Variants in SEMG2 observed in about 807,000 individuals in gnomAD.
The protein encoded by SEMG2 is semenogelin-2.
A neutral mutation model predicts 8.1 loss-of-function variants in SEMG2; 3 were observed. The observed-to-expected ratio is 0.37, with a 90% CI of 0.17 to 0.96. The LOEUF (loss-of-function observed/expected upper bound fraction) is 0.96, where lower values mean the gene tolerates loss of function less well. Among genes scored for constraint, SEMG2 ranks in the 40% least tolerant of loss-of-function variants. The probability of loss-of-function intolerance (pLI) is 0.41; values close to 1 mark genes in which losing one functional copy is unlikely to be tolerated. For synonymous variants in SEMG2, 252 were observed against 231.4 expected (o/e 1.09, Z -0.81); for missense variants, 726 against 671.2 (o/e 1.08, Z -0.90).
chr20:45,221,931 T>C lies in SEMG2; in HGVS notation c.299T>C (p.Leu100Pro), dbSNP rs1462076139. 1.9e-6 allele frequency: 3 copies of C among 1,613,134 alleles called. No individual in the cohort carries two copies. Among genetic ancestry groups the C allele is most frequent in the Non-Finnish European group, 2.5e-6 (3 of 1,179,768 alleles). Residue 100 changes from leucine (L) to proline (P), a missense_variant, in exon 2 of 3, where the codon CTA (leucine) becomes CCA (proline). Coordinates refer to ENST00000372769, the MANE Select transcript of SEMG2 (RefSeq NM_003008.3). Reference protein sequence around the residue: ...LHKATKSKQHLGGSQQLLNYK... With the variant: ...LHKATKSKQHPGGSQQLLNYK... ...AAGGCGACAAAATCAAAACAACACC[T>C]AGGTGGAAGTCAACAACTGCTCAAT...
Position 45,221,954 on chromosome 20 carries a change from A to C in SEMG2, c.322A>C (p.Asn108His). 6.2e-7 allele frequency: 1 copy of C among 1,613,564 alleles called. No individual in the cohort carries two copies. The highest frequency in any genetic ancestry group is 8.5e-7 in the Non-Finnish European group (1 of 1,179,858). The change falls in exon 2 of 3, where the codon AAT (asparagine) becomes CAT (histidine). Residue 108 changes from asparagine to histidine, a missense_variant. By Grantham distance (68) the Asn-to-His change is moderately conservative (BLOSUM62 1). Coordinates refer to ENST00000372769, the MANE Select transcript of SEMG2 (RefSeq NM_003008.3). ...QHLGGSQQLL[N>H]YKQEGRDHDK... ...CCTAGGTGGAAGTCAACAACTGCTC[A>C]ATTATAAACAAGAAGGCAGAGACCA...
At position 45,221,882 on chromosome 20, in the gene SEMG2, C is replaced by A. The variant is rs369152303; in HGVS notation, c.250C>A (p.Gln84Lys). The A allele has an allele frequency of 1.2e-5, 19 of 1,613,914 alleles. No homozygotes were observed. In the African/African-American group the frequency reaches 2.3e-4, roughly 19 times the overall value. The change falls in exon 2 of 3, where the codon CAA becomes AAA. Residue 84 changes from glutamine to lysine, a missense_variant. Gln to Lys is a moderately conservative substitution (Grantham distance 53). Transcript: ENST00000372769. ...NDHDWTRKSQQYDLNALHKAT... is the reference protein window; with the variant it reads ...NDHDWTRKSQKYDLNALHKAT... ...TCATGACTGGACCCGAAAAAGTCAG[C>A]AATATGATTTGAATGCCCTACATAA...
Position 45,221,965 on chromosome 20 carries a change from A to G in SEMG2, c.333A>G (p.Gln111=). ...GTCAACAACTGCTCAATTATAAACAAGAAGGCAGAGACCATGATAAATCAA... is the reference window on the plus strand; with the variant it reads ...GTCAACAACTGCTCAATTATAAACAGGAAGGCAGAGACCATGATAAATCAA... ...GGSQQLLNYK[Q]EGRDHDKSKG... The change falls in exon 2 of 3, where the codon CAA becomes CAG. Residue 111 remains glutamine (Q), a synonymous_variant. Coordinates refer to ENST00000372769, the MANE Select transcript of SEMG2 (RefSeq NM_003008.3). The G allele has an allele frequency of 1.2e-6, 2 of 1,613,852 alleles. No individual in the cohort carries two copies. The highest frequency in any genetic ancestry group is 8.5e-7 in the Non-Finnish European group (1 of 1,179,954).
At chr20:45,221,486 T>C in intron 1 of SEMG2, 21 bp downstream of exon 1, 2 of 1,613,258 alleles carry the variant, frequency 1.2e-6, no homozygotes, top group East Asian at 2.2e-5. Flanking sequence ...AGGGTAAGCC[T>C]TGGGGAAAGC....
At position 45,223,183 on chromosome 20, in the gene SEMG2, A is replaced by G. The variant is rs756351304; in HGVS notation, c.1551A>G (p.Gln517=). 4 of 1,614,170 alleles carry G rather than the reference A, an allele frequency of 2.5e-6. No homozygotes were observed. The South Asian group carries it at 3.3e-5, about 13-fold the overall frequency. Residue 517 remains glutamine, a synonymous_variant, in exon 2 of 3, where the codon CAA becomes CAG. Coordinates refer to ENST00000372769, the MANE Select transcript of SEMG2 (RefSeq NM_003008.3). The part of the protein sequence containing the change: ...QIQTPNPNQD[Q]WSGQNAKGKS... ...AGACACCAAATCCTAATCAAGATCA[A>G]TGGTCTGGCCAAAATGCAAAAGGAA...
Position 45,222,039 on chromosome 20 carries a change from A to G in SEMG2, c.407A>G (p.His136Arg). The G allele has an allele frequency of 6.2e-7, 1 of 1,613,610 alleles. No homozygotes were observed. The highest frequency in any genetic ancestry group is 8.5e-7 in the Non-Finnish European group (1 of 1,179,500). Residue 136 changes from histidine (H) to arginine (R), a missense_variant, in exon 2 of 3, where the codon CAT (histidine) becomes CGT (arginine). His to Arg is a conservative substitution (Grantham distance 29). Transcript: ENST00000372769. ...ATACATCATAAAGGAGGCCAAGCTC[A>G]TCATGGGACACAAAATCCTTCTCAA... is the stretch of plus-strand genomic sequence containing the variant. ...IVIHHKGGQA[H>R]HGTQNPSQDQ...
In SEMG2 at chr20:45,221,501, T is replaced by TA. The variant is rs749496594; in HGVS notation, c.76+36_76+37insA. The TA allele has an allele frequency of 2.4e-5, 39 of 1,610,008 alleles. No individual in the cohort carries two copies. In the African/African-American group the frequency reaches 4.7e-4, roughly 19 times the overall value. On this transcript the variant is annotated intron_variant, in intron 1 of 2. Transcript: ENST00000372769. ...AGGGTAAGCCTTGGGGAAAGCTACT[T>TA]TAAAAAAATGGCCTCTAAGGATATT... is the stretch of plus-strand genomic sequence containing the variant.
In SEMG2 at chr20:45,222,483, A is replaced by G; in HGVS notation, c.851A>G (p.His284Arg). The G allele has an allele frequency of 6.2e-7, 1 of 1,614,012 alleles. No individual in the cohort carries two copies. The highest frequency in any genetic ancestry group is 8.5e-7 in the Non-Finnish European group (1 of 1,179,986). The part of the protein sequence containing the change: ...SQDQEHGRKA[H>R]KISYPSSRTE... ...GATCAAGAGCATGGCCGGAAGGCAC[A>G]TAAAATATCATACCCGTCTTCACGT... Residue 284 changes from histidine to arginine, a missense_variant, in exon 2 of 3, where the codon CAT (histidine) becomes CGT (arginine). Physicochemically the swap from His to Arg is conservative, Grantham distance 29 (BLOSUM62 0). Transcript: ENST00000372769.
chr20:45,223,976 G>A (rs902866410), intron 2 of SEMG2, among the ~76,000 whole-genome samples: 2 of 152,164 alleles, frequency 1.3e-5, no homozygotes, highest in African/African-American at 2.4e-5. Context: ...TTGTGAAAAA[G>A]GAAGTGGAAA....
At position 45,224,292 on chromosome 20, in the gene SEMG2, T is replaced by C. The variant is rs564094604; in HGVS notation, c.*46T>C. The C allele has an allele frequency of 3.9e-5, 6 of 152,376 alleles. No homozygotes were observed. In the East Asian group the frequency reaches 7.7e-4, roughly 20 times the overall value. The allele number at this position is 152,376 out of a possible 1,614,324, so 9.4% of individuals were successfully genotyped here. On this transcript the variant is annotated splice_region_variant and 3_prime_UTR_variant, in exon 3 of 3. Transcript: ENST00000372769. ...TCTGGTTGTCTTTTTTCTCCCTAGG[T>C]GTCACCCGACCTCAGTGAAGTCTTT... is the stretch of plus-strand genomic sequence containing the variant.
Position 45,223,012 on chromosome 20 carries a change from C to T in SEMG2, c.1380C>T (p.Gly460=), listed in dbSNP as rs1984060500. 3.7e-6 allele frequency: 6 copies of T among 1,614,040 alleles called. No homozygotes were observed. Among genetic ancestry groups the T allele is most frequent in the Non-Finnish European group, 5.1e-6 (6 of 1,179,986 alleles). The change falls in exon 2 of 3, where the codon GGC becomes GGT. Residue 460 remains glycine (G), a synonymous_variant. Coordinates refer to ENST00000372769, the MANE Select transcript of SEMG2 (RefSeq NM_003008.3). The stretch of plus-strand genomic sequence containing the variant: ...TTCCTAGTCAAGATCAAGAGCATGG[C>T]CATAAGGAAAATAAAATGTCATACC... ...VTIPSQDQEH[G]HKENKMSYQS...
chr20:45,222,245 A>G lies in SEMG2; in HGVS notation c.613A>G (p.Lys205Glu). 1 of 1,614,180 alleles carries G rather than the reference A, an allele frequency of 6.2e-7. No individual in the cohort carries two copies. The highest frequency in any genetic ancestry group is 1.3e-5 in the African/African-American group (1 of 75,048). Residue 205 changes from lysine (K) to glutamate (E), a missense_variant, in exon 2 of 3, where the codon AAA becomes GAA. Transcript: ENST00000372769. ...CCAAACTGAAGAACTAGTAGTTAAC[A>G]AACAACAACGTGAGACTAAAAATTC... Reference protein sequence around the residue: ...VLQTEELVVNKQQRETKNSHQ... With the variant: ...VLQTEELVVNEQQRETKNSHQ...
Position 45,222,085 on chromosome 20 carries a change from T to A in SEMG2, c.453T>A (p.Ser151=), listed in dbSNP as rs1984029056. 1.2e-6 allele frequency: 2 copies of A among 1,614,004 alleles called. No homozygotes were observed. The highest frequency in any genetic ancestry group is 2.2e-5 in the South Asian group (2 of 90,998). The change falls in exon 2 of 3, where the codon TCT becomes TCA. Residue 151 remains serine, a synonymous_variant. Coordinates refer to ENST00000372769, the MANE Select transcript of SEMG2 (RefSeq NM_003008.3). ...NPSQDQGNSP[S]GKGLSSQCSN... The stretch of plus-strand genomic sequence containing the variant: ...CTCAAGATCAGGGGAATAGCCCATC[T>A]GGAAAGGGATTATCCAGTCAATGTT...
rs141051069 is a variant in SEMG2, at chr20:45,222,196, T to C, written c.564T>C (p.Gly188=). The C allele has an allele frequency of 1.6e-4, 261 of 1,613,984 alleles. No homozygotes were observed. Among genetic ancestry groups the C allele is most frequent in the Middle Eastern group, 1.6e-4 (1 of 6,084 alleles). ...ASGAQKGRTQ[G]GSQSSYVLQT... is the part of the protein sequence containing the mutation. ...GTGCACAAAAAGGTAGAACACAAGG[T>C]GGATCCCAAAGCAGTTATGTTCTCC... is the stretch of plus-strand genomic sequence containing the variant. Residue 188 remains glycine (G), a synonymous_variant, in exon 2 of 3, where the codon GGT becomes GGC. Transcript: ENST00000372769.
rs1984055034 is a variant in SEMG2, at chr20:45,222,833, C to T, written c.1201C>T (p.His401Tyr). ...RIPSQAQEYG[H>Y]KENKISYQSS... ...TCCTAGTCAAGCTCAAGAGTATGGC[C>T]ATAAGGAAAATAAAATATCATACCA... Residue 401 changes from histidine (H) to tyrosine (Y), a missense_variant, in exon 2 of 3, where the codon CAT becomes TAT. Transcript: ENST00000372769. The T allele has an allele frequency of 1.2e-6, 2 of 1,613,752 alleles. No individual in the cohort carries two copies. Among genetic ancestry groups the T allele is most frequent in the African/African-American group, 2.7e-5 (2 of 74,818 alleles).
In SEMG2 at chr20:45,223,413, G is replaced by T. The variant is rs1328275270; in HGVS notation, c.*32G>T. Reference sequence around the variant, plus strand: ...TGCTTAGCAACCACTTGAAAAGCTGGACCAATAGCAAGGTAAGTTTGCTTT... The same window carrying T: ...TGCTTAGCAACCACTTGAAAAGCTGTACCAATAGCAAGGTAAGTTTGCTTT... On this transcript the variant is annotated 3_prime_UTR_variant, in exon 2 of 3. Transcript: ENST00000372769. The T allele has an allele frequency of 6.7e-7, 1 of 1,495,460 alleles. No individual in the cohort carries two copies. Among genetic ancestry groups the T allele is most frequent in the Non-Finnish European group, 9.2e-7 (1 of 1,090,084 alleles). 92.6% of individuals were successfully genotyped at this position (1,495,460 alleles called of 1,614,324 possible).
intron 1 of SEMG2, 50 bp from the exon 2 acceptor site, chr20:45,221,659 A>G (rs1411165493): frequency 6.7e-7 from 1 of 1,490,588 alleles, no homozygotes; most frequent in Non-Finnish European, 9.1e-7. Context: ...AAGAGTTGCA[A>G]GAGAGCTTTG....
rs1984044964 is a variant in SEMG2, at chr20:45,222,530, C to T, written c.898C>T (p.His300Tyr). ...ACGTACAGAAGAAAGACAACTTCAC[C>T]ATGGAGAAAAGAGTGTACAGAAAGA... is the stretch of plus-strand genomic sequence containing the variant. ...SSRTEERQLH[H>Y]GEKSVQKDVS... The change falls in exon 2 of 3, where the codon CAT (histidine) becomes TAT (tyrosine). Residue 300 changes from histidine (H) to tyrosine (Y), a missense_variant. Physicochemically the swap from His to Tyr is moderately conservative, Grantham distance 83. Transcript: ENST00000372769. 6.2e-7 allele frequency: 1 copy of T among 1,613,904 alleles called. No homozygotes were observed. The highest frequency in any genetic ancestry group is 1.7e-5 in the Admixed American group (1 of 60,006).
At chr20:45,221,678 G>T in intron 1 of SEMG2, 31 bp from the exon 2 acceptor site, 1 of 1,525,162 alleles carries the variant, frequency 6.6e-7, no homozygotes, top group Non-Finnish European at 8.9e-7. Context: ...TGGAGATAAT[G>T]AATGCATACA....
Sources: allele counts gnomAD v4.1 joint callset (sites outside exome capture counted in the v4.1 genomes callset), GRCh38; gene constraint gnomAD v4.1.1; transcripts MANE v1.5; gene names NCBI Gene and HGNC (gene_info 2026-07-23, HGNC 2026-07-21).